MAP1LC3B2: variants seen among roughly 807,000 people sequenced by gnomAD.
MAP1LC3B2 encodes microtubule-associated protein 1 light chain 3 beta 2.
For missense variants in MAP1LC3B2, 155 were observed against 154.6 expected, an observed-to-expected ratio of 1.00 and a Z score of -0.01; for synonymous variants, 62 against 57.8, an observed-to-expected ratio of 1.07 and a Z score of -0.33.
In MAP1LC3B2 at chr12:116,576,118, A is replaced by G. The variant is rs927551013; in HGVS notation, c.176A>G (p.Asn59Ser). ...KTKFLVPDHVNMSELIKIIRR... is the reference protein window; with the variant it reads ...KTKFLVPDHVSMSELIKIIRR... ...AAGTTCCTTGTACCTGACCATGTCA[A>G]CATGAGTGAGCTCATCAAGATAATT... Residue 59 changes from asparagine (N) to serine (S), a missense_variant, in exon 2 of 2, where the codon AAC becomes AGC. Transcript: ENST00000556529. The G allele has an allele frequency of 1.9e-5, 30 of 1,614,114 alleles. No individual in the cohort carries two copies. Among genetic ancestry groups the G allele is most frequent in the Non-Finnish European group, 2.5e-5 (30 of 1,180,050 alleles).
chr12:116,564,202 A>G lies in MAP1LC3B2; in HGVS notation c.-102+4769A>G, dbSNP rs138011344. Among the ~76,000 whole-genome samples the G allele has an allele frequency of 6.4e-3, 972 of 152,094 alleles. 13 individuals carry two copies. Among genetic ancestry groups the G allele is most frequent in the African/African-American group, 0.023 (935 of 41,476 alleles). On this transcript the variant is annotated intron_variant, in intron 1 of 1. Transcript: ENST00000556529. ...GTCAGTTAATTACATCATCTTTGTCATTTGGGGTCTGTTTATATTGACTGG... is the reference window on the plus strand; with the variant it reads ...GTCAGTTAATTACATCATCTTTGTCGTTTGGGGTCTGTTTATATTGACTGG...
At chr12:116,573,942 C>T (rs1404615644) in intron 1 of MAP1LC3B2, among the ~76,000 whole-genome samples, 2 of 152,216 alleles carry the variant, frequency 1.3e-5, no homozygotes, top group Non-Finnish European at 2.9e-5. Flanking sequence ...TGCTCAGCCT[C>T]ACTTGTCAGG....
At chr12:116,566,538 G>GTTGTTTTC (rs59365438) in intron 1 of MAP1LC3B2, among the ~76,000 whole-genome samples, 8,180 of 141,106 alleles carry the variant, frequency 0.058, 799 homozygotes, top group African/African-American at 0.2. Flanking sequence ...ATCCACAAAT[G>GTTGTTTTC]TTGTTTTCTT....
At chr12:116,573,341 C>T (rs1869588110) in intron 1 of MAP1LC3B2, among the ~76,000 whole-genome samples, 1 of 152,124 alleles carries the variant, frequency 6.6e-6, no homozygotes, top group African/African-American at 2.4e-5. Flanking sequence ...TTATTTTTCA[C>T]AGCTGAGATT....
At chr12:116,564,588 G>T (rs7137558) in intron 1 of MAP1LC3B2, among the ~76,000 whole-genome samples, 1 of 152,056 alleles carries the variant, frequency 6.6e-6, no homozygotes, top group African/African-American at 2.4e-5. Flanking sequence ...GAGAGCTCTT[G>T]GAATTATTCA....
chr12:116,575,876 C>T lies in MAP1LC3B2; in HGVS notation c.-67C>T, dbSNP rs1869658109. ...GCCACAGTCGGATTCGCTGCCGCAG[C>T]AGCCGCCACCCCCAGGAGCCGCCGG... On this transcript the variant is annotated 5_prime_UTR_variant, in exon 2 of 2. Coordinates refer to ENST00000556529, the MANE Select transcript of MAP1LC3B2 (RefSeq NM_001085481.3). The T allele has an allele frequency of 1.9e-6, 3 of 1,596,794 alleles. No individual in the cohort carries two copies. The highest frequency in any genetic ancestry group is 1.7e-6 in the Non-Finnish European group (2 of 1,166,908).
At chr12:116,564,706 T>G (rs1295277721) in intron 1 of MAP1LC3B2, among the ~76,000 whole-genome samples, 3 of 152,248 alleles carry the variant, frequency 2.0e-5, no homozygotes, top group Non-Finnish European at 4.4e-5. Flanking sequence ...TGTGCAGATT[T>G]CTGGCACTAT....
At chr12:116,566,627 A>AAC (rs1257132238) in intron 1 of MAP1LC3B2, among the ~76,000 whole-genome samples, 180 of 143,792 alleles carry the variant, frequency 1.3e-3, no homozygotes, top group African/African-American at 5.0e-3. Context: ...AAAAAAAAAA[A>AAC]AAAAAAAAAA....
At chr12:116,573,172 C>T (rs1423873298) in intron 1 of MAP1LC3B2, among the ~76,000 whole-genome samples, 1 of 152,194 alleles carries the variant, frequency 6.6e-6, no homozygotes, top group Non-Finnish European at 1.5e-5. Flanking sequence ...GATCCTCCCA[C>T]CTTGACCTCT....
intron 1 of MAP1LC3B2, among the ~76,000 whole-genome samples, chr12:116,561,827 CA>C (rs1016164440): frequency 6.6e-6 from 1 of 152,244 alleles, no homozygotes; most frequent in African/African-American, 2.4e-5. Context: ...CAAGTACATG[CA>C]AAGCTGTTCT....
At position 116,575,906 on chromosome 12, in the gene MAP1LC3B2, C is replaced by T. The variant is rs1010854349; in HGVS notation, c.-37C>T. On this transcript the variant is annotated 5_prime_UTR_variant, in exon 2 of 2. Coordinates refer to ENST00000556529, the MANE Select transcript of MAP1LC3B2 (RefSeq NM_001085481.3). ...GCCACCCCCAGGAGCCGCCGGGACC[C>T]TCGCGTCGTCGCCGCCGCGGCCCAG... 3.7e-6 allele frequency: 6 copies of T among 1,613,144 alleles called. No individual in the cohort carries two copies. The African/African-American group carries it at 5.3e-5, about 14-fold the overall frequency.
intron 1 of MAP1LC3B2, among the ~76,000 whole-genome samples, chr12:116,571,780 C>G (rs1391019662): frequency 6.6e-6 from 1 of 152,010 alleles, no homozygotes; most frequent in Admixed American, 6.6e-5. Context: ...CGCGCCCGGC[C>G]ACGGACTGCT....
chr12:116,569,577 T>G (rs1869476865), intron 1 of MAP1LC3B2, among the ~76,000 whole-genome samples: 1 of 152,218 alleles, frequency 6.6e-6, no homozygotes, highest in East Asian at 1.9e-4. Flanking sequence ...TGTATGTAAC[T>G]ATGTATTTAA....
At chr12:116,571,965 C>CA (rs35147598) in intron 1 of MAP1LC3B2, among the ~76,000 whole-genome samples, 72,869 of 136,732 alleles carry the variant, frequency 0.53, 18,635 homozygotes, top group Admixed American at 0.63. Flanking sequence ...ATGACCGTTA[C>CA]AAAAAAAAAA....
At chr12:116,560,125 C>T (rs966231373) in intron 1 of MAP1LC3B2, 5 of 146,942 alleles carry the variant, frequency 3.4e-5, no homozygotes, top group African/African-American at 1.0e-4. Context: ...AAGCTGGTGG[C>T]GCTCTCCTGA....
rs74782376 is a variant in MAP1LC3B2, at chr12:116,569,157, C to T, written c.-101-6685C>T. 2.9e-3 allele frequency among the ~76,000 whole-genome samples: 439 copies of T among 152,126 alleles called. 12 individuals are homozygous for T. In the East Asian group the frequency reaches 0.061, roughly 21 times the overall value. ...GATTACAGGTGTGAACTACCGCGCC[C>T]GGCCAATTTCTTTTCTTTATAAATT... On this transcript the variant is annotated intron_variant, in intron 1 of 1. Transcript: ENST00000556529.
At chr12:116,562,100 T>C (rs1869287304) in intron 1 of MAP1LC3B2, among the ~76,000 whole-genome samples, 1 of 152,142 alleles carries the variant, frequency 6.6e-6, no homozygotes, top group Non-Finnish European at 1.5e-5. Flanking sequence ...CCGAAACTCG[T>C]AGGGAAAAGA....
chr12:116,563,581 C>T (rs1467802336), intron 1 of MAP1LC3B2, among the ~76,000 whole-genome samples: 2 of 152,050 alleles, frequency 1.3e-5, no homozygotes, highest in African/African-American at 4.8e-5. Context: ...TAAGATGTGC[C>T]TTGATGTTCT....
At position 116,576,148 on chromosome 12, in the gene MAP1LC3B2, G is replaced by A. The variant is rs144234011; in HGVS notation, c.206G>A (p.Arg69Lys). 3,339 of 1,614,072 alleles carry A rather than the reference G, an allele frequency of 2.1e-3. 62 individuals carry two copies. In the African/African-American group the frequency reaches 0.038, roughly 18 times the overall value. ...NMSELIKIIR[R>K]RLQLNANQAF... ...AGTGAGCTCATCAAGATAATTAGAA[G>A]GCGCTTACAGCTCAATGCTAATCAG... is the stretch of plus-strand genomic sequence containing the variant. The change falls in exon 2 of 2, where the codon AGG becomes AAG. Residue 69 changes from arginine to lysine, a missense_variant. Transcript: ENST00000556529.
Sources: gnomAD v4.1 joint callset for allele counts (sites outside exome capture counted in the v4.1 genomes callset) on GRCh38, gnomAD v4.1.1 for gene constraint, MANE v1.5 for transcripts, NCBI Gene and HGNC (gene_info 2026-07-23, HGNC 2026-07-21) for gene names.